The following PTTG1IP variants were observed in gnomAD, a reference collection of about 807,000 sequenced individuals.
PTTG1IP encodes pituitary tumor-transforming gene 1 protein-interacting protein.
In PTTG1IP, 16 loss-of-function variants were observed where a neutral mutation model predicts 24.4. The observed-to-expected ratio is 0.66, with a 90% CI of 0.44 to 1.00. The LOEUF is 1.00. Among genes scored for constraint, PTTG1IP ranks in the 50% least tolerant of loss-of-function variants. The pLI, the probability that PTTG1IP is intolerant of heterozygous loss-of-function variation, is 0.00. For synonymous variants in PTTG1IP, 89 were observed against 96.8 expected (o/e 0.92, Z 0.47); for missense variants, 241 against 245.8 (o/e 0.98, Z 0.13).
At chr21:44,859,033 C>G (rs2083470250) in intron 3 of PTTG1IP, among the ~76,000 whole-genome samples, 1 of 152,256 alleles carries the variant, frequency 6.6e-6, no homozygotes, top group African/African-American at 2.4e-5. Context: ...GACGTGAGCG[C>G]CTGTGCCGGC....
chr21:44,865,461 G>A lies in PTTG1IP; in HGVS notation c.116-14C>T. ...TCTGAGAACAAGCTGCAGGAAAGAG[G>A]CAAGAGACAAGTCAGTCACTGAGAA... On this transcript the variant is annotated splice_polypyrimidine_tract_variant and intron_variant, in intron 1 of 5. Transcript: ENST00000330938. 6.2e-7 allele frequency: 1 copy of A among 1,614,012 alleles called. No individual in the cohort carries two copies. Among genetic ancestry groups the A allele is most frequent in the East Asian group, 2.2e-5 (1 of 44,888 alleles).
intron 1 of PTTG1IP, among the ~76,000 whole-genome samples, chr21:44,871,132 G>C (rs1336309895): frequency 6.6e-6 from 1 of 152,216 alleles, no homozygotes; most frequent in Non-Finnish European, 1.5e-5. Context: ...AAATGTTCTT[G>C]GAAACTCCAC....
intron 1 of PTTG1IP, 146 bp from the exon 2 acceptor site, chr21:44,865,593 GC>G (rs1199508890): frequency 1.0e-5 from 8 of 770,154 alleles, no homozygotes; most frequent in Non-Finnish European, 1.8e-5. Flanking sequence ...CTCTTCCTGA[GC>G]CCCTGCTGAT....
rs1049253005 is a variant in PTTG1IP at position 44,869,070 on chromosome 21, G to A, written c.116-3623C>T. Among the ~76,000 whole-genome samples the A allele has an allele frequency of 1.5e-4, 23 of 152,050 alleles. 1 individual carries two copies. The highest frequency in any genetic ancestry group is 4.1e-4 in the African/African-American group (17 of 41,374). ...GCTCCTGCCAAAGCGCACCTGAATCGAATCAAAGGAAACACCCGGTAAGAC... is the reference window on the plus strand; with the variant it reads ...GCTCCTGCCAAAGCGCACCTGAATCAAATCAAAGGAAACACCCGGTAAGAC... On this transcript the variant is annotated intron_variant, in intron 1 of 5. Coordinates refer to ENST00000330938, the MANE Select transcript of PTTG1IP (RefSeq NM_004339.4).
intron 1 of PTTG1IP, chr21:44,865,854 C>T (rs1313855873): frequency 1.9e-5 from 5 of 262,382 alleles, no homozygotes; most frequent in Admixed American, 9.8e-5. Flanking sequence ...CAAGAGCCTC[C>T]ATCCGAGGCC....
At chr21:44,863,929 T>C (rs567066335) in intron 2 of PTTG1IP, among the ~76,000 whole-genome samples, 1 of 152,016 alleles carries the variant, frequency 6.6e-6, no homozygotes, top group African/African-American at 2.4e-5. Flanking sequence ...TGCCTTAGAA[T>C]AGAAATCATC....
chr21:44,866,209 AACAC>A (rs35473745), intron 1 of PTTG1IP, among the ~76,000 whole-genome samples: 54 of 124,218 alleles, frequency 4.3e-4, no homozygotes, highest in East Asian at 2.2e-3. Flanking sequence ...CCAATCCTGT[AACAC>A]ACACACACAC....
chr21:44,870,770 T>C (rs576689250), intron 1 of PTTG1IP, among the ~76,000 whole-genome samples: 74 of 152,310 alleles, frequency 4.9e-4, no homozygotes, highest in African/African-American at 1.7e-3. Context: ...TTTATCAATT[T>C]TTAAAGACCT....
Position 44,851,080 on chromosome 21 carries a change from T to C in PTTG1IP, c.*501A>G. The C allele has an allele frequency of 2.8e-6, 1 of 353,294 alleles. No homozygotes were observed. Among genetic ancestry groups the C allele is most frequent in the South Asian group, 6.0e-5 (1 of 16,702 alleles). 21.9% of individuals were successfully genotyped at this position (353,294 alleles called of 1,614,324 possible). ...GTGTCATCAGCAAAAGCCGTGTGAG[T>C]CAACAGGTGTGAAGACTCAAGATGC... On this transcript the variant is annotated 3_prime_UTR_variant, in exon 6 of 6. Coordinates refer to ENST00000330938, the MANE Select transcript of PTTG1IP (RefSeq NM_004339.4).
At chr21:44,858,132 G>T (rs235323) in intron 3 of PTTG1IP, among the ~76,000 whole-genome samples, 1 of 152,170 alleles carries the variant, frequency 6.6e-6, no homozygotes, top group Non-Finnish European at 1.5e-5. Context: ...AAGGATGTGG[G>T]AGAGGCCTGA....
chr21:44,869,398 C>T (rs1196038066), intron 1 of PTTG1IP, among the ~76,000 whole-genome samples: 1 of 152,196 alleles, frequency 6.6e-6, no homozygotes, highest in Non-Finnish European at 1.5e-5. Flanking sequence ...ACAATAGTAA[C>T]TTACTCTCAA....
At chr21:44,862,560 T>C (rs1382852377) in intron 2 of PTTG1IP, among the ~76,000 whole-genome samples, 1 of 152,110 alleles carries the variant, frequency 6.6e-6, no homozygotes. Context: ...CAGCACCTCA[T>C]GCGCCAGCCC....
At chr21:44,852,892 T>A (rs953897438) in intron 5 of PTTG1IP, among the ~76,000 whole-genome samples, 3 of 152,218 alleles carry the variant, frequency 2.0e-5, no homozygotes, top group Non-Finnish European at 4.4e-5. Context: ...GGAATTCTTC[T>A]AACTAGCCGA....
chr21:44,864,735 T>C (rs1471267619), intron 2 of PTTG1IP, among the ~76,000 whole-genome samples: 1 of 152,238 alleles, frequency 6.6e-6, no homozygotes, highest in African/African-American at 2.4e-5. Flanking sequence ...ACTGTGATGC[T>C]GCTTCCCCAC....
At position 44,850,220 on chromosome 21, in the gene PTTG1IP, T is replaced by C. The variant is rs1297294956; in HGVS notation, c.*1361A>G. The C allele has an allele frequency of 6.6e-6, 1 of 152,246 alleles. No homozygotes were observed. The highest frequency in any genetic ancestry group is 1.5e-5 in the Non-Finnish European group (1 of 68,044). 9.4% of individuals were successfully genotyped at this position (152,246 alleles called of 1,614,324 possible). ...TGAAAATGGAACGCATCCTTGATCT[T>C]AGGTGCTGCTGACCTACTTTCCCAA... On this transcript the variant is annotated 3_prime_UTR_variant, in exon 6 of 6. Transcript: ENST00000330938.
At chr21:44,856,461 C>A in intron 3 of PTTG1IP, 97 bp from the exon 4 acceptor site, 1 of 1,361,780 alleles carries the variant, frequency 7.3e-7, no homozygotes, top group Non-Finnish European at 9.9e-7. Context: ...CCTCAGGACA[C>A]AGGAGCATAA....
chr21:44,855,744 C>T (rs1285591684), intron 4 of PTTG1IP, among the ~76,000 whole-genome samples: 5 of 151,952 alleles, frequency 3.3e-5, no homozygotes, highest in Non-Finnish European at 7.4e-5. Flanking sequence ...GTGGATTACA[C>T]CACCTCCTCC....
At chr21:44,871,452 C>T (rs751475936) in intron 1 of PTTG1IP, among the ~76,000 whole-genome samples, 4 of 152,220 alleles carry the variant, frequency 2.6e-5, no homozygotes, top group Non-Finnish European at 5.9e-5. Flanking sequence ...AAAGCCCTAT[C>T]CAGGTTTAAC....
chr21:44,859,438 C>T (rs1405394153), intron 3 of PTTG1IP, among the ~76,000 whole-genome samples: 4 of 151,972 alleles, frequency 2.6e-5, no homozygotes, highest in Admixed American at 2.6e-4. Context: ...CATGTAGGCA[C>T]ACACGTGTGC....
Sources: allele counts gnomAD v4.1 joint callset (sites outside exome capture counted in the v4.1 genomes callset), GRCh38; gene constraint gnomAD v4.1.1; transcripts MANE v1.5; gene names NCBI Gene and HGNC (gene_info 2026-07-23, HGNC 2026-07-21).